The following MCMDC2 variants were observed in gnomAD, a reference collection of about 807,000 sequenced individuals.
MCMDC2 encodes the protein minichromosome maintenance domain-containing protein 2.
In MCMDC2, 54 loss-of-function variants were observed where a neutral mutation model predicts 75.8. The observed-to-expected ratio is 0.71, with a 90% CI of 0.57 to 0.89. MCMDC2 has a LOEUF of 0.89. Ranked by LOEUF, MCMDC2 falls within the 40% of genes least tolerant of loss-of-function variation. The probability of loss-of-function intolerance (pLI) is 0.00; values close to 1 mark genes in which losing one functional copy is unlikely to be tolerated. For missense variants in MCMDC2, 656 were observed against 780.4 expected, an observed-to-expected ratio of 0.84 and a Z score of 1.90; for synonymous variants, 249 against 274.6, an observed-to-expected ratio of 0.91 and a Z score of 0.92.
At chr8:66,884,912 G>A (rs1334085972) in intron 9 of MCMDC2, among the ~76,000 whole-genome samples, 1 of 151,908 alleles carries the variant, frequency 6.6e-6, no homozygotes, top group African/African-American at 2.4e-5. Context: ...GAGTAGCTGT[G>A]ACTAGAGGCG....
chr8:66,916,065 G>GCA (rs1162225818), intron 14 of MCMDC2, among the ~76,000 whole-genome samples: 1 of 152,068 alleles, frequency 6.6e-6, no homozygotes, highest in African/African-American at 2.4e-5. Flanking sequence ...TATGGAGACA[G>GCA]CACACATAGA....
At chr8:66,906,475 G>T (rs1428782547) in intron 14 of MCMDC2, among the ~76,000 whole-genome samples, 1 of 151,994 alleles carries the variant, frequency 6.6e-6, no homozygotes, top group Non-Finnish European at 1.5e-5. Flanking sequence ...CTTAATCTAG[G>T]ATCCATAGAT....
At chr8:66,879,445 T>C (rs552950653) in intron 7 of MCMDC2, among the ~76,000 whole-genome samples, 2 of 151,766 alleles carry the variant, frequency 1.3e-5, no homozygotes, top group Non-Finnish European at 2.9e-5. Context: ...ATACAAAAAT[T>C]AGCCAGGTGT....
intron 14 of MCMDC2, among the ~76,000 whole-genome samples, chr8:66,913,017 A>T (rs1389243836): frequency 1.3e-5 from 2 of 152,112 alleles, no homozygotes; most frequent in Non-Finnish European, 1.5e-5. Flanking sequence ...AGGAAGAGTC[A>T]ATTGATGTAG....
At chr8:66,891,638 T>C (rs930508595) in intron 10 of MCMDC2, among the ~76,000 whole-genome samples, 1 of 152,208 alleles carries the variant, frequency 6.6e-6, no homozygotes, top group Non-Finnish European at 1.5e-5. Flanking sequence ...CAGCAGCACC[T>C]CTGCTTGAGT....
chr8:66,897,425 AAAAG>A (rs1453443988), intron 12 of MCMDC2, among the ~76,000 whole-genome samples: 1 of 151,824 alleles, frequency 6.6e-6, no homozygotes, highest in Non-Finnish European at 1.5e-5. Context: ...AAAAAAGAAA[AAAAG>A]AAAAAAGAAA....
At position 66,877,331 on chromosome 8, in the gene MCMDC2, T is replaced by A; in HGVS notation, c.286-18T>A. The A allele has an allele frequency of 6.6e-7, 1 of 1,525,622 alleles. No individual in the cohort carries two copies. Among genetic ancestry groups the A allele is most frequent in the Non-Finnish European group, 8.9e-7 (1 of 1,120,066 alleles). 94.5% of individuals were successfully genotyped at this position (1,525,622 alleles called of 1,614,324 possible). The stretch of plus-strand genomic sequence containing the variant: ...GGATTTGCAATTTTCATTAATACCA[T>A]TTTTATGTTCTTATTAGATTAATAT... On this transcript the variant is annotated intron_variant, in intron 4 of 14. Coordinates refer to ENST00000422365, the MANE Select transcript of MCMDC2 (RefSeq NM_173518.5).
chr8:66,911,418 T>G (rs1227552296), intron 14 of MCMDC2, among the ~76,000 whole-genome samples: 1 of 152,188 alleles, frequency 6.6e-6, no homozygotes, highest in African/African-American at 2.4e-5. Context: ...TGCTGAACTG[T>G]GAGTCAATTA....
At chr8:66,896,371 G>T in intron 11 of MCMDC2, 35 bp downstream of exon 11, 1 of 1,524,522 alleles carries the variant, frequency 6.6e-7, no homozygotes. Context: ...TTAGAATGTT[G>T]TTCAAGGAAT....
chr8:66,902,711 AATATATATAT>A (rs1231949044), intron 13 of MCMDC2, among the ~76,000 whole-genome samples: 48 of 67,920 alleles, frequency 7.1e-4, no homozygotes, highest in African/African-American at 3.0e-3. Flanking sequence ...AAAAAAAAAA[AATATATATAT>A]ATATATATAT....
chr8:66,886,012 G>A (rs1392076946), intron 9 of MCMDC2, among the ~76,000 whole-genome samples: 1 of 152,112 alleles, frequency 6.6e-6, no homozygotes, highest in Non-Finnish European at 1.5e-5. Flanking sequence ...TCTCGTAGTG[G>A]AAGACATTTG....
At chr8:66,880,701 ACT>A (rs1811516398) in intron 7 of MCMDC2, 146 bp from the exon 8 acceptor site, 5 of 713,460 alleles carry the variant, frequency 7.0e-6, no homozygotes, top group Non-Finnish European at 9.8e-6. Flanking sequence ...TATTAGTGTC[ACT>A]CTATATGGAT....
chr8:66,883,639 G>C (rs1297258703), intron 8 of MCMDC2, 118 bp from the exon 9 acceptor site: 3 of 618,824 alleles, frequency 4.8e-6, no homozygotes, highest in Non-Finnish European at 8.3e-6. Context: ...AAAAAAAAAA[G>C]AATATGGTAT....
intron 4 of MCMDC2, among the ~76,000 whole-genome samples, chr8:66,876,922 G>A (rs770354703): frequency 1.3e-4 from 20 of 151,830 alleles, no homozygotes; most frequent in Middle Eastern, 3.4e-3. Flanking sequence ...CATCACACCC[G>A]GCTAATTTTT....
rs75252833 is a variant in MCMDC2, at chr8:66,903,120, CA to C, written c.1769+1786del. On this transcript the variant is annotated intron_variant, in intron 13 of 14. Transcript: ENST00000422365. Reference sequence around the variant, plus strand: ...CTGGGCAACAAGAGTGAAACTGTCTCAAAAAAAAAAAAAAGCAAACAGTGTA... The same window carrying C: ...CTGGGCAACAAGAGTGAAACTGTCTCAAAAAAAAAAAAAGCAAACAGTGTA... 3.5e-3 allele frequency among the ~76,000 whole-genome samples: 414 copies of C among 117,040 alleles called. 1 individual carries two copies. Among genetic ancestry groups the C allele is most frequent in the African/African-American group, 5.8e-3 (177 of 30,556 alleles). The allele number at this position is 117,040 out of a possible 152,430, so 76.8% of individuals were successfully genotyped here.
intron 10 of MCMDC2, among the ~76,000 whole-genome samples, chr8:66,894,867 AG>A (rs1406587778): frequency 6.6e-6 from 1 of 152,204 alleles, no homozygotes. Context: ...TCACCCCAAA[AG>A]GAAGCCCCAT....
chr8:66,871,065 A>G (rs1810992429), intron 1 of MCMDC2, among the ~76,000 whole-genome samples: 2 of 152,212 alleles, frequency 1.3e-5, no homozygotes, highest in Non-Finnish European at 2.9e-5. Flanking sequence ...AAGGGAAGAC[A>G]GGGAGTTAGA....
intron 12 of MCMDC2, among the ~76,000 whole-genome samples, chr8:66,900,324 G>C (rs1812594674): frequency 6.6e-6 from 1 of 152,024 alleles, no homozygotes; most frequent in Non-Finnish European, 1.5e-5. Flanking sequence ...TATAATCCCA[G>C]CTACTCGGGA....
In MCMDC2 at chr8:66,919,081, A is replaced by C; in HGVS notation, c.1958A>C (p.Asp653Ala). The change falls in exon 15 of 15, where the codon GAT becomes GCT. Residue 653 changes from aspartate (D) to alanine (A), a missense_variant. Physicochemically the swap from Asp to Ala is moderately radical, Grantham distance 126. Coordinates refer to ENST00000422365, the MANE Select transcript of MCMDC2 (RefSeq NM_173518.5). ...AATGAAGAATACTTAGAGCAAAGGG[A>C]TCTCTATCTGACTCAGTGCCAACAA... Reference protein sequence around the residue: ...LYNEEYLEQRDLYLTQCQQQL... With the variant: ...LYNEEYLEQRALYLTQCQQQL... 2 of 1,550,790 alleles carry C rather than the reference A, an allele frequency of 1.3e-6. No individual in the cohort carries two copies. The highest frequency in any genetic ancestry group is 1.4e-5 in the African/African-American group (1 of 73,124).
Sources: gnomAD v4.1 joint callset for allele counts (sites outside exome capture counted in the v4.1 genomes callset) on GRCh38, gnomAD v4.1.1 for gene constraint, MANE v1.5 for transcripts, NCBI Gene and HGNC (gene_info 2026-07-23, HGNC 2026-07-21) for gene names.